TUBB8: variants seen among roughly 807,000 people sequenced by gnomAD.
TUBB8 encodes the protein tubulin beta-8 chain.
A neutral mutation model predicts 33.7 loss-of-function variants in TUBB8; 25 were observed. The observed-to-expected ratio is 0.74, with a 90% CI of 0.54 to 1.04. The LOEUF (loss-of-function observed/expected upper bound fraction) is 1.04, where lower values mean the gene tolerates loss of function less well. Among genes scored for constraint, TUBB8 ranks in the 50% least tolerant of loss-of-function variants. The pLI is 0.00. For missense variants in TUBB8, 279 were observed against 608.0 expected (o/e 0.46, Z 5.69); for synonymous variants, 245 against 240.1 (o/e 1.02, Z -0.19).
At chr10:55,508 C>T (rs1257650264) in intron 1 of TUBB8, among the ~76,000 whole-genome samples, 2 of 152,140 alleles carry the variant, frequency 1.3e-5, no homozygotes, top group African/African-American at 4.8e-5. Context: ...TCCATTTGTC[C>T]ATGTTTGCTT....
chr10:53,125 TTTTA>T (rs1400956994), upstream of TUBB8, among the ~76,000 whole-genome samples: 1 of 152,146 alleles, frequency 6.6e-6, no homozygotes, highest in African/African-American at 2.4e-5. Context: ...AGATTTTTAT[TTTTA>T]TTTATTATTA....
chr10:68,047 G>C (rs555084585), intron 1 of TUBB8, among the ~76,000 whole-genome samples: 1 of 152,328 alleles, frequency 6.6e-6, no homozygotes, highest in African/African-American at 2.4e-5. Context: ...ATACTGTGAT[G>C]GTTAATTTTA....
intron 1 of TUBB8, among the ~76,000 whole-genome samples, chr10:67,191 C>G (rs1219443919): frequency 6.8e-6 from 1 of 147,396 alleles, no homozygotes; most frequent in South Asian, 2.2e-4. Context: ...TATTCTGCAT[C>G]CCTTGATATT....
intron 1 of TUBB8, among the ~76,000 whole-genome samples, chr10:58,733 C>T (rs1443925333): frequency 2.6e-5 from 4 of 152,200 alleles, no homozygotes; most frequent in Non-Finnish European, 5.9e-5. Flanking sequence ...GAGTAATCCA[C>T]CCCAATGGTT....
intron 1 of TUBB8, 98 bp from the exon 2 acceptor site, chr10:49,010 G>C (rs1269802690): frequency 3.3e-5 from 32 of 979,510 alleles, no homozygotes; most frequent in Non-Finnish European, 4.4e-5. Flanking sequence ...CCCATCCCTA[G>C]GCCGCCCTGT....
At chr10:64,104 C>A (rs1261225825) in intron 1 of TUBB8, among the ~76,000 whole-genome samples, 1 of 152,090 alleles carries the variant, frequency 6.6e-6, no homozygotes, top group African/African-American at 2.4e-5. Context: ...CCAGCAGAGT[C>A]TCTCTTTCTC....
intron 1 of TUBB8, among the ~76,000 whole-genome samples, chr10:70,872 CAT>C (rs1554742227): frequency 6.6e-6 from 1 of 152,094 alleles, no homozygotes; most frequent in Non-Finnish European, 1.5e-5. Context: ...AAAGGAGAAA[CAT>C]ATTGAATCAA....
chr10:72,746 G>C (rs1221943801), intron 1 of TUBB8, among the ~76,000 whole-genome samples: 3 of 151,760 alleles, frequency 2.0e-5, no homozygotes, highest in Non-Finnish European at 4.4e-5. Flanking sequence ...CCAGTTCTTG[G>C]GGAGGCTGAG....
At chr10:53,095 G>T (rs1834488870), upstream of TUBB8, among the ~76,000 whole-genome samples, 1 of 152,084 alleles carries the variant, frequency 6.6e-6, no homozygotes, top group Non-Finnish European at 1.5e-5. Flanking sequence ...ATATGCAAAA[G>T]AAATTTTGTT....
At chr10:49,367 CA>C (rs1564205889), upstream of TUBB8, 1 of 896,164 alleles carries the variant, frequency 1.1e-6, no homozygotes, top group Non-Finnish European at 1.8e-6. Flanking sequence ...ATTCGGCTCC[CA>C]GAATAAGCAA....
At chr10:71,302 G>A (rs1308850598) in intron 1 of TUBB8, among the ~76,000 whole-genome samples, 1 of 151,716 alleles carries the variant, frequency 6.6e-6, no homozygotes, top group African/African-American at 2.4e-5. Flanking sequence ...GCAACTGAGT[G>A]AGACTGCATC....
chr10:74,505 T>C (rs1169722962), upstream of TUBB8, among the ~76,000 whole-genome samples: 11 of 151,610 alleles, frequency 7.3e-5, 1 homozygote, highest in South Asian at 2.1e-3. Context: ...CACACGCCTG[T>C]AGTCCCAGCT....
At chr10:72,999 C>T (rs1834758470) in intron 1 of TUBB8, among the ~76,000 whole-genome samples, 1 of 151,738 alleles carries the variant, frequency 6.6e-6, no homozygotes, top group Non-Finnish European at 1.5e-5. Flanking sequence ...AGATTAGTGA[C>T]TTTCTTCAAT....
chr10:49,207 T>A lies in TUBB8; in HGVS notation c.32A>T (p.Gln11Leu). 6.3e-7 allele frequency: 1 copy of A among 1,581,480 alleles called. No homozygotes were observed. The highest frequency in any genetic ancestry group is 8.6e-7 in the Non-Finnish European group (1 of 1,164,510). MREIVLTQIG[Q>L]CGNQIGAKFW... is the part of the protein sequence containing the mutation. ...CTTGGCGCCGATCTGATTCCCGCACTGCCCGATCTGCGTGAGCACGATCTC... is the reference window on the plus strand; with the variant it reads ...CTTGGCGCCGATCTGATTCCCGCACAGCCCGATCTGCGTGAGCACGATCTC... Residue 11 changes from glutamine to leucine, a missense_variant, in exon 1 of 4, where the codon CAG becomes CTG. By Grantham distance (113) the Gln-to-Leu change is moderately radical (BLOSUM62 -2). Around this residue, in one of 4 missense-constraint regions of TUBB8, gnomAD observed 56 missense variants for 77.9 expected, o/e 0.72. Transcript: ENST00000568584.
chr10:65,820 A>C (rs1834664073), intron 1 of TUBB8, among the ~76,000 whole-genome samples: 1 of 152,264 alleles, frequency 6.6e-6, no homozygotes, highest in Non-Finnish European at 1.5e-5. Context: ...CATGATCACT[A>C]CATCCTTTTC....
Position 67,767 on chromosome 10 carries a change from A to T in TUBB8, c.-846+6202T>A, listed in dbSNP as rs559755228. 2.0e-5 allele frequency among the ~76,000 whole-genome samples: 3 copies of T among 152,228 alleles called. No homozygotes were observed. In the South Asian group the frequency reaches 6.2e-4, roughly 32 times the overall value. On this transcript the variant is annotated intron_variant, in intron 1 of 3. Coordinates refer to the TUBB8 transcript ENST00000564130. ...ACCTTGGTTAAATTTATTCCAAATA[A>T]TATTATTACTGTTGATTGTTTTTTG...
chr10:53,999 C>T (rs1834500124), upstream of TUBB8, among the ~76,000 whole-genome samples: 1 of 151,978 alleles, frequency 6.6e-6, no homozygotes, highest in South Asian at 2.1e-4. Context: ...CAATAAAAAA[C>T]AGGGTATCCA....
At chr10:57,201 G>A (rs1834542999) in intron 1 of TUBB8, among the ~76,000 whole-genome samples, 1 of 152,222 alleles carries the variant, frequency 6.6e-6, no homozygotes, top group South Asian at 2.1e-4. Flanking sequence ...CCCCACAGCT[G>A]CTCTCATGGG....
chr10:47,259 AAG>A lies in TUBB8; in HGVS notation c.1131_1132del (p.Phe378GlnfsTer27), dbSNP rs1834351395. 1 of 1,613,702 alleles carries A rather than the reference AAG, an allele frequency of 6.2e-7. No homozygotes were observed. Among genetic ancestry groups the A allele is most frequent in the South Asian group, 1.1e-5 (1 of 91,072 alleles). On this transcript the variant is annotated frameshift_variant, in exon 4 of 4. Transcript: ENST00000568584. LOFTEE classifies it high-confidence loss of function. ...TGTAAACTGCTCTGAGACACGCTTG[AAG>A]AGTTCCTGGATGGCCGTATTATTCC...
Sources: gnomAD v4.1 joint callset for allele counts (sites outside exome capture counted in the v4.1 genomes callset) on GRCh38, gnomAD v4.1.1 for gene constraint, gnomAD v4.1.1 regional missense constraint, MANE v1.5 for transcripts, NCBI Gene and HGNC (gene_info 2026-07-23, HGNC 2026-07-21) for gene names.